Variants in ZNF721 observed in about 807,000 individuals in gnomAD.
The protein encoded by ZNF721 is zinc finger protein 721.
In ZNF721, 2 loss-of-function variants were observed where a neutral mutation model predicts 2.4. The observed-to-expected ratio is 0.82, with a 90% CI of 0.34 to 2.58. The LOEUF is 2.58. ZNF721 is among the 30% of genes most tolerant of loss of function. The pLI is 0.11. For missense variants in ZNF721, 1,187 were observed against 1,085.5 expected, an observed-to-expected ratio of 1.09 and a Z score of -1.31; for synonymous variants, 398 against 381.8, an observed-to-expected ratio of 1.04 and a Z score of -0.50.
intron 2 of ZNF721, among the ~76,000 whole-genome samples, chr4:450,565 T>C (rs1315862317): frequency 6.6e-6 from 1 of 152,114 alleles, no homozygotes; most frequent in Non-Finnish European, 1.5e-5. Flanking sequence ...ATACACATGG[T>C]ACCACATCAC....
chr4:441,807 T>G lies in ZNF721; in HGVS notation c.2660A>C (p.His887Pro), dbSNP rs370527453. 1.4e-5 allele frequency: 22 copies of G among 1,613,916 alleles called. No individual in the cohort carries two copies. Among genetic ancestry groups the G allele is most frequent in the Admixed American group, 1.7e-5 (1 of 60,002 alleles). Reference protein sequence around the residue: ...SANLYAHKKIHTGEKPYTCGD... With the variant: ...SANLYAHKKIPTGEKPYTCGD... ...ACACGTGTAGGGTTTCTCTCCAGTA[T>G]GAATTTTCTTATGCGCATAAAGATT... is the stretch of plus-strand genomic sequence containing the variant. Residue 887 changes from histidine to proline, a missense_variant, in exon 3 of 3, where the codon CAT (histidine) becomes CCT (proline). His to Pro is a moderately conservative substitution (Grantham distance 77). Transcript: ENST00000511833.
intron 1 of ZNF721, among the ~76,000 whole-genome samples, chr4:493,683 G>T (rs199748707): frequency 9.5e-5 from 2 of 21,164 alleles, no homozygotes; most frequent in African/African-American, 3.4e-4. Flanking sequence ...CATCCCCCCC[G>T]CAAAAAAAAA....
Position 443,019 on chromosome 4 carries a change from G to A in ZNF721, c.1448C>T (p.Thr483Ile), listed in dbSNP as rs782358872. The A allele has an allele frequency of 1.2e-5, 19 of 1,613,622 alleles. No individual in the cohort carries two copies. In the East Asian group the frequency reaches 3.3e-4, roughly 28 times the overall value. Residue 483 changes from threonine to isoleucine, a missense_variant, in exon 3 of 3, where the codon ACC becomes ATC. Transcript: ENST00000511833. Reference sequence around the variant, plus strand: ...ATGTTTAGCAAAGCTTGAGGATGAGGTAATGACTTTGCCACATTGCTTACA... The same window carrying A: ...ATGTTTAGCAAAGCTTGAGGATGAGATAATGACTTTGCCACATTGCTTACA... The part of the protein sequence containing the change: ...YKCKQCGKVI[T>I]SSSSFAKHKR...
chr4:459,189 CAA>C, intron 2 of ZNF721, among the ~76,000 whole-genome samples: 1 of 152,248 alleles, frequency 6.6e-6, no homozygotes, highest in Non-Finnish European at 1.5e-5. Flanking sequence ...CCACCCTCTG[CAA>C]AAACATACCA....
Position 442,976 on chromosome 4 carries a change from G to A in ZNF721, c.1491C>T (p.Gly497=), listed in dbSNP as rs371757675. The A allele has an allele frequency of 1.5e-5, 24 of 1,613,290 alleles. No homozygotes were observed. The highest frequency in any genetic ancestry group is 1.6e-4 in the Middle Eastern group (1 of 6,070). Residue 497 remains glycine (G), a synonymous_variant, in exon 3 of 3, where the codon GGC becomes GGT. Transcript: ENST00000511833. ...ATTCTAAACATTCAAAGGGTTTCTCGCCAGTATGAATCCTCTTATGTTTAG... is the reference window on the plus strand; with the variant it reads ...ATTCTAAACATTCAAAGGGTTTCTCACCAGTATGAATCCTCTTATGTTTAG... ...SFAKHKRIHT[G]EKPFECLECG...
chr4:442,149 T>C lies in ZNF721; in HGVS notation c.2318A>G (p.Lys773Arg). Reference protein sequence around the residue: ...KQSSHLNRHEKIHTGKKPYKC... With the variant: ...KQSSHLNRHERIHTGKKPYKC... ...GTAGGGTTTCTTTCCAGTATGAATT[T>C]TCTCATGTCTATTCAGGTGTGAGGA... Residue 773 changes from lysine to arginine, a missense_variant, in exon 3 of 3, where the codon AAA becomes AGA. Physicochemically the swap from Lys to Arg is conservative, Grantham distance 26. Transcript: ENST00000511833. 4 of 1,613,420 alleles carry C rather than the reference T, an allele frequency of 2.5e-6. No individual in the cohort carries two copies. Among genetic ancestry groups the C allele is most frequent in the Non-Finnish European group, 3.4e-6 (4 of 1,179,556 alleles).
At chr4:491,739 G>A (rs1716026929) in intron 1 of ZNF721, among the ~76,000 whole-genome samples, 1 of 152,196 alleles carries the variant, frequency 6.6e-6, no homozygotes, top group Admixed American at 6.5e-5. Flanking sequence ...GGAACATTGT[G>A]TTTAAGATTT....
At position 496,091 on chromosome 4, in the gene ZNF721, TTC is replaced by T. The variant is rs535945776; in HGVS notation, c.-94+2963_-94+2964del. ...TTAGCAGTGAAAATTTAAAAATCTT[TTC>T]TCTGTTTTTTCCTTTTGCTGGCCGT... On this transcript the variant is annotated intron_variant, in intron 1 of 2. Transcript: ENST00000511833. Among the ~76,000 whole-genome samples the T allele has an allele frequency of 1.1e-4, 17 of 152,316 alleles. No individual in the cohort carries two copies. The East Asian group carries it at 2.5e-3, about 22-fold the overall frequency.
At chr4:470,743 C>T (rs1715405953) in intron 2 of ZNF721, among the ~76,000 whole-genome samples, 2 of 151,876 alleles carry the variant, frequency 1.3e-5, no homozygotes, top group Admixed American at 1.3e-4. Flanking sequence ...AAATAGAAGG[C>T]TGGGCGCAGC....
chr4:451,663 T>C lies in ZNF721; in HGVS notation c.35-7231A>G, dbSNP rs117019433. 7.1e-4 allele frequency among the ~76,000 whole-genome samples: 108 copies of C among 152,366 alleles called. 1 individual carries two copies. The East Asian group carries it at 0.015, about 21-fold the overall frequency. On this transcript the variant is annotated intron_variant, in intron 2 of 2. Coordinates refer to ENST00000511833, the MANE Select transcript of ZNF721 (RefSeq NM_133474.4). ...ATTTTATTCTTATTCTGCATTGCTA[T>C]TTACGTGAAATAAAGGTTGTTTATC...
Position 444,403 on chromosome 4 carries a change from A to G in ZNF721, c.64T>C (p.Leu22=). The G allele has an allele frequency of 1.3e-6, 2 of 1,592,764 alleles. No homozygotes were observed. Among genetic ancestry groups the G allele is most frequent in the Non-Finnish European group, 1.7e-6 (2 of 1,171,314 alleles). Residue 22 remains leucine (L), a synonymous_variant, in exon 3 of 3, where the codon TTG becomes CTG. Coordinates refer to ENST00000511833, the MANE Select transcript of ZNF721 (RefSeq NM_133474.4). ...AMCSHFTQDF[L]PVQGIEDSFH... is the part of the protein sequence containing the mutation. ...GAATCTTCTATCCCCTGCACTGGCA[A>G]AAAGTCTTGGGTGAAATGAGAACAC...
rs556151150 is a variant in ZNF721 at position 489,157 on chromosome 4, G to C, written c.-94+9899C>G. 2.0e-5 allele frequency among the ~76,000 whole-genome samples: 3 copies of C among 152,242 alleles called. No individual in the cohort carries two copies. In the South Asian group the frequency reaches 6.2e-4, roughly 32 times the overall value. ...GCTTCACCCTTTCCACCCGCCGTGG[G>C]TTTCCCTTGGGCACTCATAGGTAAT... is the stretch of plus-strand genomic sequence containing the variant. On this transcript the variant is annotated intron_variant, in intron 1 of 2. Coordinates refer to ENST00000511833, the MANE Select transcript of ZNF721 (RefSeq NM_133474.4).
Position 442,822 on chromosome 4 carries a change from T to G in ZNF721, c.1645A>C (p.Arg549=), listed in dbSNP as rs1553863476. ...TAGGGTTTCTCTCCAGTATGAATTC[T>G]CCTATGTACATAAAGGATTGCGGAC... The part of the protein sequence containing the change: ...RQSAILYVHR[R]IHTGEKPYTC... The change falls in exon 3 of 3, where the codon AGA becomes CGA. Residue 549 remains arginine (R), a synonymous_variant. Coordinates refer to ENST00000511833, the MANE Select transcript of ZNF721 (RefSeq NM_133474.4). 1 of 1,613,880 alleles carries G rather than the reference T, an allele frequency of 6.2e-7. No homozygotes were observed. Among genetic ancestry groups the G allele is most frequent in the Non-Finnish European group, 8.5e-7 (1 of 1,179,886 alleles).
intron 2 of ZNF721, 74 bp downstream of exon 2, chr4:472,501 A>G (rs1246335390): frequency 4.0e-6 from 6 of 1,515,624 alleles, no homozygotes; most frequent in Non-Finnish European, 5.3e-6. Flanking sequence ...GATATATCTC[A>G]AAAGACATTC....
chr4:498,215 GAAAAAAAAAAA>G (rs797042296), intron 1 of ZNF721, among the ~76,000 whole-genome samples: 32 of 83,926 alleles, frequency 3.8e-4, no homozygotes, highest in Middle Eastern at 7.4e-3. Context: ...AAAAGAAAAA[GAAAAAAAAAAA>G]AAAAAAAAAA....
chr4:461,251 C>T (rs563237025), intron 2 of ZNF721, among the ~76,000 whole-genome samples: 9 of 152,266 alleles, frequency 5.9e-5, no homozygotes, highest in Admixed American at 1.3e-4. Context: ...AAAGCTTATC[C>T]GCCATGATCA....
intron 1 of ZNF721, chr4:473,868 G>T: frequency 7.5e-7 from 1 of 1,337,468 alleles, no homozygotes; most frequent in Non-Finnish European, 1.0e-6. Flanking sequence ...AGGACCGAGG[G>T]CTAAGCGGCG....
Position 443,015 on chromosome 4 carries a change from T to C in ZNF721, c.1452A>G (p.Ser484=), listed in dbSNP as rs782182211. 4 of 1,613,638 alleles carry C rather than the reference T, an allele frequency of 2.5e-6. No individual in the cohort carries two copies. Among genetic ancestry groups the C allele is most frequent in the African/African-American group, 2.7e-5 (2 of 74,904 alleles). ...KCKQCGKVIT[S]SSSFAKHKRI... ...TCTTATGTTTAGCAAAGCTTGAGGA[T>C]GAGGTAATGACTTTGCCACATTGCT... Residue 484 remains serine (S), a synonymous_variant, in exon 3 of 3, where the codon TCA becomes TCG. Coordinates refer to ENST00000511833, the MANE Select transcript of ZNF721 (RefSeq NM_133474.4).
intron 1 of ZNF721, among the ~76,000 whole-genome samples, chr4:491,490 T>C (rs1317199461): frequency 6.6e-6 from 1 of 152,210 alleles, no homozygotes; most frequent in Non-Finnish European, 1.5e-5. Flanking sequence ...TGATACACTT[T>C]GGAAGGACAG....
Sources: allele counts gnomAD v4.1 joint callset (sites outside exome capture counted in the v4.1 genomes callset), GRCh38; gene constraint gnomAD v4.1.1; transcripts MANE v1.5; gene names NCBI Gene and HGNC (gene_info 2026-07-23, HGNC 2026-07-21).